CARNMT1: variants seen among roughly 807,000 people sequenced by gnomAD.
The protein encoded by CARNMT1 is protein-L-histidine N-pros-methyltransferase CARNMT1.
Under a neutral mutation model 49.6 loss-of-function variants are expected in CARNMT1, and 28 were observed. The observed-to-expected ratio is 0.56, with a 90% confidence interval of 0.42 to 0.77. The LOEUF is 0.77. Ranked by LOEUF, CARNMT1 falls within the 30% of genes least tolerant of loss-of-function variation. CARNMT1 has a pLI of 0.00. For synonymous variants in CARNMT1, 178 were observed against 175.0 expected (o/e 1.02, Z -0.13); for missense variants, 421 against 512.6 (o/e 0.82, Z 1.73).
Position 74,983,771 on chromosome 9 carries a change from T to C in CARNMT1, c.1226A>G (p.Gln409Arg), listed in dbSNP as rs773375247. ...ECVLFVVRKP[Q>R] ...AGGTGGTATCACTTGAGACCATTAT[T>C]GTGGCTTACGGACCACAAACAAGAC... The change falls in exon 8 of 8, where the codon CAA becomes CGA. Residue 409 changes from glutamine (Q) to arginine (R), a missense_variant. This residue lies in a region of CARNMT1 where 235 missense variants were observed against 344.8 expected (regional missense o/e 0.68). Transcript: ENST00000376834. 4 of 1,592,380 alleles carry C rather than the reference T, an allele frequency of 2.5e-6. No individual in the cohort carries two copies. The South Asian group carries it at 4.5e-5, about 18-fold the overall frequency.
chr9:75,013,539 A>C (rs1264184672), intron 3 of CARNMT1, among the ~76,000 whole-genome samples: 1 of 152,074 alleles, frequency 6.6e-6, no homozygotes, highest in Non-Finnish European at 1.5e-5. Context: ...ATAAACTATG[A>C]TACATCCAAA....
chr9:74,987,015 A>G lies in CARNMT1; in HGVS notation c.1025-2005T>C, dbSNP rs1213736095. Among the ~76,000 whole-genome samples the G allele has an allele frequency of 2.0e-5, 3 of 152,222 alleles. 1 individual carries two copies. The highest frequency in any genetic ancestry group is 4.4e-5 in the Non-Finnish European group (3 of 68,038). ...TCTTCTAATACAATGGTACTTTGAC[A>G]AATATCCTTGTGCATATTTTAGATT... On this transcript the variant is annotated intron_variant, in intron 6 of 7. Transcript: ENST00000376834.
chr9:75,004,152 G>A (rs1480104775), intron 3 of CARNMT1, among the ~76,000 whole-genome samples: 2 of 152,242 alleles, frequency 1.3e-5, no homozygotes, highest in African/African-American at 4.8e-5. Context: ...TGGGATTACA[G>A]GCGTGAGCCA....
At chr9:75,015,363 A>C (rs1455587718) in intron 3 of CARNMT1, among the ~76,000 whole-genome samples, 1 of 152,182 alleles carries the variant, frequency 6.6e-6, no homozygotes, top group Admixed American at 6.5e-5. Flanking sequence ...CTTGCAGCTA[A>C]ATTGTATTTA....
At chr9:74,994,576 A>C in intron 6 of CARNMT1, among the ~76,000 whole-genome samples, 1 of 152,168 alleles carries the variant, frequency 6.6e-6, no homozygotes, top group East Asian at 1.9e-4. Context: ...AGAGATACAG[A>C]TTGGGAATCC....
At chr9:74,985,274 CT>C (rs1832799260) in intron 6 of CARNMT1, among the ~76,000 whole-genome samples, 1 of 152,190 alleles carries the variant, frequency 6.6e-6, no homozygotes, top group Non-Finnish European at 1.5e-5. Context: ...TTGCAAGTTA[CT>C]GAAGGAGTAG....
intron 4 of CARNMT1, among the ~76,000 whole-genome samples, chr9:74,999,380 T>A (rs1429681205): frequency 1.3e-5 from 2 of 152,194 alleles, no homozygotes; most frequent in Admixed American, 1.3e-4. Context: ...ACTAAACTCT[T>A]ATTTAACTAA....
Position 75,017,463 on chromosome 9 carries a change from GT to G in CARNMT1, c.231-16del. Reference sequence around the variant, plus strand: ...GCATACTGGTGCTAAAACATAAAAGGTGTTTTTTAAATTCACAAAAGAATTC... The same window carrying G: ...GCATACTGGTGCTAAAACATAAAAGGGTTTTTTAAATTCACAAAAGAATTC... On this transcript the variant is annotated splice_polypyrimidine_tract_variant and intron_variant, in intron 1 of 7. Transcript: ENST00000376834. 6.2e-7 allele frequency: 1 copy of G among 1,602,642 alleles called. No homozygotes were observed. The highest frequency in any genetic ancestry group is 8.5e-7 in the Non-Finnish European group (1 of 1,173,588).
At chr9:74,985,894 A>G (rs879035379) in intron 6 of CARNMT1, among the ~76,000 whole-genome samples, 2 of 152,194 alleles carry the variant, frequency 1.3e-5, no homozygotes, top group African/African-American at 4.8e-5. Flanking sequence ...GTATGACTTT[A>G]ATGTGAGATA....
chr9:75,025,661 C>T (rs913490439), intron 1 of CARNMT1, among the ~76,000 whole-genome samples: 1 of 152,080 alleles, frequency 6.6e-6, no homozygotes, highest in East Asian at 1.9e-4. Context: ...CAAATTGTTG[C>T]AAATGTCAAA....
At chr9:74,996,876 T>G (rs1002596886) in intron 5 of CARNMT1, among the ~76,000 whole-genome samples, 1 of 152,230 alleles carries the variant, frequency 6.6e-6, no homozygotes, top group Non-Finnish European at 1.5e-5. Context: ...CTTCTAGCCT[T>G]CATTTAAAAT....
At chr9:75,024,102 C>T (rs1398397931) in intron 1 of CARNMT1, among the ~76,000 whole-genome samples, 3 of 152,212 alleles carry the variant, frequency 2.0e-5, no homozygotes, top group Non-Finnish European at 4.4e-5. Flanking sequence ...GGTGAGCCCA[C>T]ACCAGGTCTG....
At chr9:74,996,339 A>G in intron 6 of CARNMT1, 108 bp downstream of exon 6, 1 of 631,966 alleles carries the variant, frequency 1.6e-6, no homozygotes, top group Non-Finnish European at 2.7e-6. Context: ...AAACATTTAC[A>G]ACATAATTCT....
chr9:74,995,704 C>T (rs567145518), intron 6 of CARNMT1, among the ~76,000 whole-genome samples: 11 of 152,198 alleles, frequency 7.2e-5, no homozygotes, highest in African/African-American at 2.2e-4. Context: ...TACGTTATGT[C>T]CTTTTATGTA....
chr9:75,012,634 A>G (rs1401352858), intron 3 of CARNMT1, among the ~76,000 whole-genome samples: 1 of 152,134 alleles, frequency 6.6e-6, no homozygotes, highest in African/African-American at 2.4e-5. Flanking sequence ...ATTTTTCTTC[A>G]GAATGATCCA....
In CARNMT1 at chr9:74,998,580, C is replaced by T. The variant is rs115625818; in HGVS notation, c.910+18G>A. The stretch of plus-strand genomic sequence containing the variant: ...AGAATAAAGGACAAGACTTTTTAAA[C>T]GCTTGATTTGGACTTACTGCATTCT... On this transcript the variant is annotated intron_variant, in intron 5 of 7. Transcript: ENST00000376834. 2,066 of 1,513,160 alleles carry T rather than the reference C, an allele frequency of 1.4e-3. 23 individuals are homozygous for T. In the African/African-American group the frequency reaches 0.023, roughly 17 times the overall value. 93.7% of individuals were successfully genotyped at this position (1,513,160 alleles called of 1,614,324 possible).
At chr9:74,995,430 T>C (rs542188812) in intron 6 of CARNMT1, among the ~76,000 whole-genome samples, 1 of 152,276 alleles carries the variant, frequency 6.6e-6, no homozygotes, top group East Asian at 1.9e-4. Context: ...TTTCCATTTT[T>C]CCTTGGGAAA....
In CARNMT1 at chr9:75,017,873, T is replaced by G. The variant is rs559292669; in HGVS notation, c.231-425A>C. Among the ~76,000 whole-genome samples, 6 of 152,282 alleles carry G rather than the reference T, an allele frequency of 3.9e-5. No individual in the cohort carries two copies. In the East Asian group the frequency reaches 1.2e-3, roughly 29 times the overall value. ...GAAATTAACTAAAAGCTAACCAGGT[T>G]GATTTTTTTTAAATATCATAGAAGA... is the stretch of plus-strand genomic sequence containing the variant. On this transcript the variant is annotated intron_variant, in intron 1 of 7. Coordinates refer to ENST00000376834, the MANE Select transcript of CARNMT1 (RefSeq NM_152420.3).
At chr9:74,994,093 A>G (rs1833116122) in intron 6 of CARNMT1, among the ~76,000 whole-genome samples, 1 of 152,146 alleles carries the variant, frequency 6.6e-6, no homozygotes. Flanking sequence ...TTATAAGAAG[A>G]GACACACCAA....
Sources: allele counts gnomAD v4.1 joint callset (sites outside exome capture counted in the v4.1 genomes callset), GRCh38; gene constraint gnomAD v4.1.1; regional missense constraint gnomAD v4.1.1; transcripts MANE v1.5; gene names NCBI Gene and HGNC (gene_info 2026-07-23, HGNC 2026-07-21).